ITGA1: variants seen among roughly 807,000 people sequenced by gnomAD.
ITGA1 encodes the protein integrin subunit alpha 1.
ITGA1 carries 85 observed loss-of-function variants against 145.9 expected under a neutral mutation model. That is an observed-to-expected ratio of 0.58 (90% confidence interval 0.49 to 0.70). The LOEUF is 0.70. Among genes scored for constraint, ITGA1 ranks in the 30% least tolerant of loss-of-function variants. The pLI, the probability that ITGA1 is intolerant of heterozygous loss-of-function variation, is 0.00. For missense variants in ITGA1, 1,351 were observed against 1,418.7 expected, an observed-to-expected ratio of 0.95 and a Z score of 0.77; for synonymous variants, 520 against 495.3, an observed-to-expected ratio of 1.05 and a Z score of -0.66.
chr5:52,909,075 A>G, intron 13 of ITGA1, 34 bp downstream of exon 13: 2 of 1,585,218 alleles, frequency 1.3e-6, no homozygotes, highest in Admixed American at 1.9e-5. Flanking sequence ...AAATCCAGGA[A>G]AATCTCTTCC....
intron 8 of ITGA1, 23 bp downstream of exon 8, chr5:52,887,988 T>G (rs772038876): frequency 2.5e-6 from 4 of 1,605,118 alleles, no homozygotes; most frequent in Non-Finnish European, 3.4e-6. Context: ...CCGGAGATAT[T>G]TTCAAACTCT....
intron 6 of ITGA1, among the ~76,000 whole-genome samples, chr5:52,874,659 C>T (rs1749837634): frequency 6.6e-6 from 1 of 151,984 alleles, no homozygotes; most frequent in South Asian, 2.1e-4. Flanking sequence ...AATTAATTTG[C>T]TTTAATTGAG....
At chr5:52,870,467 G>A (rs1390908081) in intron 6 of ITGA1, among the ~76,000 whole-genome samples, 1 of 152,172 alleles carries the variant, frequency 6.6e-6, no homozygotes, top group African/African-American at 2.4e-5. Flanking sequence ...TTGTAGAGAG[G>A]ATTTCTCTGT....
intron 1 of ITGA1, among the ~76,000 whole-genome samples, chr5:52,810,988 T>TAGAATGAAA: frequency 6.6e-6 from 1 of 152,312 alleles, no homozygotes; most frequent in South Asian, 2.1e-4. Context: ...AATTAGAAAT[T>TAGAATGAAA]TTAATTGTGA....
intron 6 of ITGA1, among the ~76,000 whole-genome samples, chr5:52,873,960 T>C (rs1749825500): frequency 6.6e-6 from 1 of 152,030 alleles, no homozygotes; most frequent in South Asian, 2.1e-4. Context: ...AATATAATTA[T>C]TAATTAATAG....
chr5:52,942,599 T>C (rs923826274), intron 26 of ITGA1, among the ~76,000 whole-genome samples: 3 of 151,482 alleles, frequency 2.0e-5, no homozygotes, highest in African/African-American at 7.3e-5. Context: ...GGCGCGACCT[T>C]GGCTCACTGC....
At chr5:52,844,682 T>C (rs1356225460) in intron 1 of ITGA1, among the ~76,000 whole-genome samples, 2 of 152,352 alleles carry the variant, frequency 1.3e-5, no homozygotes, top group Non-Finnish European at 2.9e-5. Flanking sequence ...TGCTGGTACA[T>C]GTGAAATCAG....
At chr5:52,792,525 T>A (rs1748261986) in intron 1 of ITGA1, among the ~76,000 whole-genome samples, 1 of 152,182 alleles carries the variant, frequency 6.6e-6, no homozygotes, top group African/African-American at 2.4e-5. Context: ...ACCCAGCTAT[T>A]TTGAAGCATG....
intron 16 of ITGA1, 40 bp downstream of exon 16, chr5:52,918,938 A>G (rs1240204202): frequency 6.6e-7 from 1 of 1,505,310 alleles, no homozygotes; most frequent in Non-Finnish European, 9.0e-7. Flanking sequence ...TGGGTAGAGG[A>G]CAATATATTT....
intron 1 of ITGA1, among the ~76,000 whole-genome samples, chr5:52,812,786 TC>T (rs1748702232): frequency 7.1e-6 from 1 of 141,678 alleles, no homozygotes; most frequent in Non-Finnish European, 1.5e-5. Flanking sequence ...TTCCTTCTTA[TC>T]GCTTTTTTTT....
At chr5:52,800,556 C>A in intron 1 of ITGA1, 1 of 1,613,604 alleles carries the variant, frequency 6.2e-7, no homozygotes, top group Non-Finnish European at 8.5e-7. Flanking sequence ...CCTCCACGGG[C>A]AGCGTGGGCA....
Position 52,898,046 on chromosome 5 carries a change from G to A in ITGA1, c.1165-193G>A, listed in dbSNP as rs190745588. On this transcript the variant is annotated intron_variant, in intron 10 of 28. Transcript: ENST00000282588. Reference sequence around the variant, plus strand: ...TGTATAACTTGGGTAAGTTATTTGTGCCTTGATTTCCTTTTCTGTAAAACA... The same window carrying A: ...TGTATAACTTGGGTAAGTTATTTGTACCTTGATTTCCTTTTCTGTAAAACA... 4.9e-3 allele frequency among the ~76,000 whole-genome samples: 740 copies of A among 152,184 alleles called. 9 individuals are homozygous for A. Among genetic ancestry groups the A allele is most frequent in the African/African-American group, 0.017 (690 of 41,528 alleles).
intron 6 of ITGA1, among the ~76,000 whole-genome samples, chr5:52,877,699 A>G (rs1381278136): frequency 6.6e-6 from 1 of 152,222 alleles, no homozygotes; most frequent in Non-Finnish European, 1.5e-5. Flanking sequence ...AGGAGCAGTC[A>G]CGGAGCCGTA....
Position 52,915,342 on chromosome 5 carries a change from G to A in ITGA1, c.1858-122G>A, listed in dbSNP as rs150428601. The stretch of plus-strand genomic sequence containing the variant: ...CTTATCTCCACATGAGGGACCTCTT[G>A]GGCGGATTCCCAAATTAACAAAACT... On this transcript the variant is annotated intron_variant, in intron 14 of 28. Transcript: ENST00000282588. 2,538 of 1,026,858 alleles carry A rather than the reference G, an allele frequency of 2.5e-3. 59 individuals carry two copies. The South Asian group carries it at 0.032, about 13-fold the overall frequency. 63.6% of individuals were successfully genotyped at this position (1,026,858 alleles called of 1,614,324 possible). A position where few individuals can be genotyped will look rare whatever the true frequency, so the allele number is the denominator to read the frequency against.
rs73108326 is a variant in ITGA1, at chr5:52,898,685, G to A, written c.1309+302G>A. 8.8e-3 allele frequency among the ~76,000 whole-genome samples: 1,344 copies of A among 152,198 alleles called. 27 individuals carry two copies. Among genetic ancestry groups the A allele is most frequent in the African/African-American group, 0.031 (1,293 of 41,516 alleles). On this transcript the variant is annotated intron_variant, in intron 11 of 28. Coordinates refer to ENST00000282588, the MANE Select transcript of ITGA1 (RefSeq NM_181501.2). ...GTCTGGTATCAACTTTAACTTCAAG[G>A]AGAACTTTGAACCTGGTGGACAAGA... is the stretch of plus-strand genomic sequence containing the variant.
intron 7 of ITGA1, among the ~76,000 whole-genome samples, chr5:52,884,583 T>C (rs1033649584): frequency 2.0e-5 from 3 of 152,048 alleles, no homozygotes; most frequent in African/African-American, 7.2e-5. Context: ...GGAAGAGAGA[T>C]AGGGCTCAGC....
intron 23 of ITGA1, among the ~76,000 whole-genome samples, chr5:52,937,132 T>C (rs1168917655): frequency 1.3e-5 from 2 of 152,056 alleles, no homozygotes; most frequent in Non-Finnish European, 2.9e-5. Context: ...TCTGGTCTTC[T>C]GTTAATCCTA....
In ITGA1 at chr5:52,800,049, G is replaced by T. The variant is rs1027146506; in HGVS notation, c.61+11635G>T. ...GCGGCCCCGCCTCTCCTTTGGGGAC[G>T]GGAGACGTGCGTCGGGTCGCGGGAC... is the stretch of plus-strand genomic sequence containing the variant. On this transcript the variant is annotated intron_variant, in intron 1 of 28. Coordinates refer to ENST00000282588, the MANE Select transcript of ITGA1 (RefSeq NM_181501.2). 9 of 310,530 alleles carry T rather than the reference G, an allele frequency of 2.9e-5. No homozygotes were observed. The East Asian group carries it at 7.5e-4, about 26-fold the overall frequency. 19.2% of individuals were successfully genotyped at this position (310,530 alleles called of 1,614,324 possible). A position where few individuals can be genotyped will look rare whatever the true frequency, so the allele number is the denominator to read the frequency against.
At chr5:52,801,507 C>G in intron 1 of ITGA1, 11 of 1,614,138 alleles carry the variant, frequency 6.8e-6, no homozygotes, top group Non-Finnish European at 9.3e-6. Flanking sequence ...CTGGGGAAGT[C>G]AAAGCCTTGG....
Sources: allele counts gnomAD v4.1 joint callset (sites outside exome capture counted in the v4.1 genomes callset), GRCh38; gene constraint gnomAD v4.1.1; transcripts MANE v1.5; gene names NCBI Gene and HGNC (gene_info 2026-07-23, HGNC 2026-07-21).